Variants in PARVB observed in about 807,000 individuals in gnomAD.
PARVB encodes the protein beta-parvin.
Under a neutral mutation model 47.0 loss-of-function variants are expected in PARVB, and 46 were observed. That is an observed-to-expected ratio of 0.98 (90% CI 0.77 to 1.25). PARVB has a LOEUF of 1.25. Among genes scored for constraint, PARVB ranks in the 50% most tolerant of loss-of-function variants. PARVB has a pLI of 0.00. For synonymous variants in PARVB, 196 were observed against 196.3 expected, an observed-to-expected ratio of 1.00 and a Z score of 0.01; for missense variants, 473 against 471.6, an observed-to-expected ratio of 1.00 and a Z score of -0.03.
At position 44,147,055 on chromosome 22, in the gene PARVB, C is replaced by T. The variant is rs76446933; in HGVS notation, c.713-806C>T. On this transcript the variant is annotated intron_variant, in intron 8 of 12. Transcript: ENST00000338758. ...TCCATATGCCCCTATGGAACTCCCC[C>T]CTCCATGGCAGCAGGAGCAAAGGCT... is the stretch of plus-strand genomic sequence containing the variant. 1,244 of 158,198 alleles carry T rather than the reference C, an allele frequency of 7.9e-3. 9 individuals carry two copies. Among genetic ancestry groups the T allele is most frequent in the Non-Finnish European group, 0.013 (898 of 71,488 alleles). The allele number at this position is 158,198 out of a possible 1,614,324, so 9.8% of individuals were successfully genotyped here.
At chr22:44,016,175 CA>C (rs2146859921) in intron 2 of PARVB, among the ~76,000 whole-genome samples, 1 of 149,434 alleles carries the variant, frequency 6.7e-6, no homozygotes, top group Admixed American at 6.8e-5. Context: ...CGGCTCACTG[CA>C]AGCTCCACCT....
intron 1 of PARVB, among the ~76,000 whole-genome samples, chr22:44,053,262 T>G (rs1456618017): frequency 6.6e-6 from 1 of 152,056 alleles, no homozygotes; most frequent in African/African-American, 2.4e-5. Context: ...TTTTGTATTT[T>G]TAGTAGAGAC....
At chr22:44,121,089 C>T (rs1045043384) in intron 4 of PARVB, among the ~76,000 whole-genome samples, 1 of 150,072 alleles carries the variant, frequency 6.7e-6, no homozygotes, top group Non-Finnish European at 1.5e-5. Flanking sequence ...GATCCACCCA[C>T]CTCAGCCTCC....
chr22:44,060,876 C>T (rs542172394), intron 1 of PARVB, among the ~76,000 whole-genome samples: 37 of 152,202 alleles, frequency 2.4e-4, no homozygotes, highest in Non-Finnish European at 4.4e-4. Flanking sequence ...GTACAGCGCT[C>T]GGTTCCTGCG....
intron 1 of PARVB, among the ~76,000 whole-genome samples, chr22:44,046,625 G>A (rs546100597): frequency 1.3e-5 from 2 of 152,338 alleles, no homozygotes; most frequent in South Asian, 4.1e-4. Context: ...GGCTGGCCCC[G>A]ATGACATGTT....
chr22:44,049,884 T>C lies in PARVB; in HGVS notation c.112+25433T>C, dbSNP rs2051177070. 6.6e-6 allele frequency among the ~76,000 whole-genome samples: 1 copy of C among 152,136 alleles called. No homozygotes were observed. The highest frequency in any genetic ancestry group is 1.5e-5 in the Non-Finnish European group (1 of 68,004). Reference sequence around the variant, plus strand: ...GGCCTCAGCCTCTGTGTGGCTCTGGTGGGGAGTGTGTCTCGATGTTGTACT... The same window carrying C: ...GGCCTCAGCCTCTGTGTGGCTCTGGCGGGGAGTGTGTCTCGATGTTGTACT... On this transcript the variant is annotated intron_variant, in intron 1 of 12. Coordinates refer to ENST00000338758, the MANE Select transcript of PARVB (RefSeq NM_013327.5). The surrounding 1 kb of genome is among the most constrained non-coding windows in gnomAD (Gnocchi z 4.0).
intron 1 of PARVB, among the ~76,000 whole-genome samples, chr22:44,079,560 C>A (rs1438009698): frequency 1.3e-5 from 2 of 152,186 alleles, no homozygotes; most frequent in Non-Finnish European, 2.9e-5. Context: ...CTTACTCAGC[C>A]CTTTAGCCAG....
chr22:44,035,873 A>G (rs180913832), intron 1 of PARVB, among the ~76,000 whole-genome samples: 56 of 152,218 alleles, frequency 3.7e-4, no homozygotes, highest in Non-Finnish European at 6.2e-4. Context: ...AACATCAAAT[A>G]ATGTTCTAAG....
At chr22:44,070,755 C>T (rs577657065) in intron 1 of PARVB, among the ~76,000 whole-genome samples, 17 of 152,140 alleles carry the variant, frequency 1.1e-4, no homozygotes, top group East Asian at 1.9e-4. Context: ...CAGTGCTGGG[C>T]GGGATGGGGT....
chr22:44,151,498 G>GTGAACAAGCACC lies in PARVB; in HGVS notation c.800_811dup (p.His267_Lys270dup). 6.2e-7 allele frequency: 1 copy of GTGAACAAGCACC among 1,613,844 alleles called. No individual in the cohort carries two copies. Among genetic ancestry groups the GTGAACAAGCACC allele is most frequent in the Non-Finnish European group, 8.5e-7 (1 of 1,179,772 alleles). On this transcript the variant is annotated inframe_insertion, in exon 10 of 13. Coordinates refer to ENST00000338758, the MANE Select transcript of PARVB (RefSeq NM_013327.5). Reference sequence around the variant, plus strand: ...TTCTTGGCAGTCTCTCATCACTTTTGTGAACAAGCACCTGAACAAGCTGAA... The same window carrying GTGAACAAGCACC: ...TTCTTGGCAGTCTCTCATCACTTTTGTGAACAAGCACCTGAACAAGCACCTGAACAAGCTGAA...
At chr22:44,151,051 A>AG in intron 9 of PARVB, 1 of 155,052 alleles carries the variant, frequency 6.4e-6, no homozygotes, top group African/African-American at 2.4e-5. Flanking sequence ...AAAAAAAAAA[A>AG]AAAAAATTCA....
intron 1 of PARVB, among the ~76,000 whole-genome samples, chr22:44,029,795 A>G (rs1319911686): frequency 6.6e-6 from 1 of 152,266 alleles, no homozygotes; most frequent in Admixed American, 6.5e-5. Flanking sequence ...CTGTAATCCC[A>G]GCTACTCAGG....
At chr22:44,077,999 C>T (rs2051816526) in intron 1 of PARVB, among the ~76,000 whole-genome samples, 1 of 152,120 alleles carries the variant, frequency 6.6e-6, no homozygotes, top group African/African-American at 2.4e-5. Flanking sequence ...CTCTTTACAG[C>T]TAGGGAAACA....
intron 4 of PARVB, among the ~76,000 whole-genome samples, chr22:44,122,761 G>C (rs1030868177): frequency 7.2e-5 from 11 of 152,042 alleles, no homozygotes; most frequent in Non-Finnish European, 1.5e-5. Flanking sequence ...GATGTATTTT[G>C]TACATTCTTT....
chr22:44,136,371 T>C, intron 6 of PARVB, 89 bp from the exon 7 acceptor site: 1 of 1,155,318 alleles, frequency 8.7e-7, no homozygotes, highest in Non-Finnish European at 1.3e-6. Flanking sequence ...TAAGATGATC[T>C]CCGGCCCCGC....
intron 4 of PARVB, among the ~76,000 whole-genome samples, chr22:44,128,226 G>A (rs2053232481): frequency 6.6e-6 from 1 of 152,230 alleles, no homozygotes; most frequent in East Asian, 1.9e-4. Flanking sequence ...TGCCCGTGCT[G>A]TGGGAGCTCC....
intron 1 of PARVB, among the ~76,000 whole-genome samples, chr22:44,059,560 C>G (rs1015065284): frequency 6.6e-6 from 1 of 152,114 alleles, no homozygotes; most frequent in Non-Finnish European, 1.5e-5. Flanking sequence ...TGATGTACTC[C>G]TTTTGCATAA....
Position 44,119,061 on chromosome 22 carries a change from C to T in PARVB, c.297C>T (p.Asp99=), listed in dbSNP as rs145402138. Residue 99 remains aspartate (D), a synonymous_variant, in exon 4 of 13, where the codon GAC becomes GAT. Coordinates refer to ENST00000338758, the MANE Select transcript of PARVB (RefSeq NM_013327.5). ...AGGTCCTCCTCGACTGGATTAATGA[C>T]GTGCTGGTGGAGGAGAGGATCATTG... The part of the protein sequence containing the change: ...LVKVLLDWIN[D]VLVEERIIVK... 4.5e-4 allele frequency: 719 copies of T among 1,613,892 alleles called. 1 individual carries two copies. In the African/African-American group the frequency reaches 8.0e-3, roughly 18 times the overall value.
At chr22:44,073,679 G>A (rs1353739142) in intron 1 of PARVB, among the ~76,000 whole-genome samples, 3 of 152,330 alleles carry the variant, frequency 2.0e-5, no homozygotes, top group South Asian at 2.1e-4. Flanking sequence ...TGAATTTTGG[G>A]TTGTGCTTGA....
Sources: gnomAD v4.1 joint callset for allele counts (sites outside exome capture counted in the v4.1 genomes callset) on GRCh38, gnomAD v4.1.1 for gene constraint, Gnocchi (gnomAD v3.1) non-coding constraint, MANE v1.5 for transcripts, NCBI Gene and HGNC (gene_info 2026-07-23, HGNC 2026-07-21) for gene names.